ESRRG: variants seen among roughly 807,000 people sequenced by gnomAD.
ESRRG encodes the protein estrogen related receptor gamma.
Under a neutral mutation model 44.0 loss-of-function variants are expected in ESRRG, and 13 were observed. The observed-to-expected ratio is 0.30, with a 90% CI of 0.19 to 0.47. ESRRG has a LOEUF of 0.47. ESRRG is among the 20% of genes least tolerant of loss of function. The pLI is 1.00. For synonymous variants in ESRRG, 215 were observed against 214.6 expected (o/e 1.00, Z -0.02); for missense variants, 395 against 580.6 (o/e 0.68, Z 3.29).
chr1:216,895,719 G>A (rs2058340289), intron 2 of ESRRG, among the ~76,000 whole-genome samples: 1 of 152,146 alleles, frequency 6.6e-6, no homozygotes, highest in South Asian at 2.1e-4. Context: ...GAATGAAAAT[G>A]TGAGTTACAG....
intron 2 of ESRRG, among the ~76,000 whole-genome samples, chr1:216,919,788 C>T (rs987218981): frequency 2.6e-5 from 4 of 152,108 alleles, no homozygotes; most frequent in Admixed American, 6.6e-5. Context: ...TGCTTGGGTC[C>T]GTCCCACCTG....
chr1:216,739,263 T>TG (rs1213996781), intron 2 of ESRRG, among the ~76,000 whole-genome samples: 4 of 92,168 alleles, frequency 4.3e-5, no homozygotes, highest in Non-Finnish European at 9.5e-5. Flanking sequence ...TTCATTAAAG[T>TG]GAAAAAAAAA....
chr1:216,772,676 A>G (rs537029900), intron 2 of ESRRG, among the ~76,000 whole-genome samples: 14 of 152,194 alleles, frequency 9.2e-5, no homozygotes, highest in Admixed American at 9.2e-4. Context: ...TTAGAAAACA[A>G]TGGCATAGTG....
chr1:216,541,368 C>A (rs1327364670), intron 5 of ESRRG, among the ~76,000 whole-genome samples: 1 of 151,842 alleles, frequency 6.6e-6, no homozygotes, highest in African/African-American at 2.4e-5. Context: ...TTAATTACAC[C>A]AAGAACTTAA....
intron 2 of ESRRG, among the ~76,000 whole-genome samples, chr1:216,809,119 C>T (rs922219229): frequency 1.3e-5 from 2 of 152,068 alleles, no homozygotes; most frequent in African/African-American, 4.8e-5. Context: ...AAGGTGTGTA[C>T]TATTTTTCCA....
intron 3 of ESRRG, among the ~76,000 whole-genome samples, chr1:216,608,746 A>G (rs2060249219): frequency 1.3e-5 from 2 of 152,192 alleles, no homozygotes; most frequent in Admixed American, 1.3e-4. Context: ...TGGGGATCTA[A>G]GCTCATTTAA....
chr1:216,929,779 G>A (rs1333806612), intron 2 of ESRRG, among the ~76,000 whole-genome samples: 2 of 152,076 alleles, frequency 1.3e-5, no homozygotes, highest in East Asian at 1.9e-4. Flanking sequence ...AATGCCAAAT[G>A]AGAATATTGG....
chr1:216,805,476 C>T (rs1422385557), intron 2 of ESRRG: 13 of 152,270 alleles, frequency 8.5e-5, no homozygotes, highest in Admixed American at 3.9e-4. Flanking sequence ...CCCAGTAACA[C>T]GATACCATGA....
intron 2 of ESRRG, among the ~76,000 whole-genome samples, chr1:216,731,634 G>A (rs937448661): frequency 2.0e-5 from 3 of 152,116 alleles, no homozygotes; most frequent in Admixed American, 6.6e-5. Flanking sequence ...AACTCAATAC[G>A]TACCCCCAAA....
At chr1:216,612,288 A>G (rs2060780582) in intron 3 of ESRRG, among the ~76,000 whole-genome samples, 1 of 152,158 alleles carries the variant, frequency 6.6e-6, no homozygotes, top group South Asian at 2.1e-4. Context: ...GTCTAATGGT[A>G]GCAATCTGTA....
intron 1 of ESRRG, among the ~76,000 whole-genome samples, chr1:216,982,761 G>A (rs922630850): frequency 2.0e-5 from 3 of 152,162 alleles, no homozygotes; most frequent in Non-Finnish European, 4.4e-5. Context: ...AATAGGCAAA[G>A]AGGTTCTTTT....
intron 2 of ESRRG, among the ~76,000 whole-genome samples, chr1:216,914,405 C>T (rs1374445605): frequency 2.0e-5 from 3 of 152,214 alleles, no homozygotes; most frequent in Non-Finnish European, 2.9e-5. Context: ...TATAAAAATG[C>T]TCACTCTTTT....
chr1:216,719,011 T>C (rs2085550511), intron 1 of ESRRG, among the ~76,000 whole-genome samples: 2 of 152,080 alleles, frequency 1.3e-5, no homozygotes, highest in Non-Finnish European at 2.9e-5. Flanking sequence ...TAATTTATTT[T>C]ATAAAATAAT....
intron 5 of ESRRG, among the ~76,000 whole-genome samples, chr1:216,551,239 T>C (rs549574892): frequency 2.6e-3 from 399 of 152,290 alleles, no homozygotes; most frequent in African/African-American, 9.3e-3. Context: ...TATCATATAG[T>C]AGGCTCTTAA....
chr1:216,910,688 T>TA (rs1422443673), intron 2 of ESRRG, among the ~76,000 whole-genome samples: 1 of 152,158 alleles, frequency 6.6e-6, no homozygotes, highest in Non-Finnish European at 1.5e-5. Flanking sequence ...CTTTCTTTGT[T>TA]ACGATGAGGG....
At chr1:216,824,142 C>T (rs1044406073) in intron 2 of ESRRG, among the ~76,000 whole-genome samples, 2 of 152,146 alleles carry the variant, frequency 1.3e-5, no homozygotes, top group Non-Finnish European at 2.9e-5. Flanking sequence ...AAGTGTCTTG[C>T]TGTGTTTTAA....
chr1:216,720,882 G>C (rs534925278), intron 1 of ESRRG, among the ~76,000 whole-genome samples: 2 of 152,264 alleles, frequency 1.3e-5, no homozygotes, highest in South Asian at 4.1e-4. Context: ...TGTTTCAGTT[G>C]CCTTTCCTTC....
chr1:217,032,677 T>A (rs1468779915), intron 1 of ESRRG, among the ~76,000 whole-genome samples: 1 of 152,148 alleles, frequency 6.6e-6, no homozygotes, highest in South Asian at 2.1e-4. Context: ...TATTTGGGGG[T>A]GATTGTTTTG....
At position 216,736,007 on chromosome 1, in the gene ESRRG, T is replaced by C. The variant is rs199631645; in HGVS notation, c.-13-58516A>G. On this transcript the variant is annotated intron_variant, in intron 2 of 7. Transcript: ENST00000359162. ...AAAAAAATATATATATATATATATA[T>C]ACACACATACATATATTTGCTTTCC... is the stretch of plus-strand genomic sequence containing the variant. Among the ~76,000 whole-genome samples, 88 of 147,568 alleles carry C rather than the reference T, an allele frequency of 6.0e-4. No individual in the cohort carries two copies. The East Asian group carries it at 7.8e-3, about 13-fold the overall frequency.
Sources: gnomAD v4.1 joint callset for allele counts (sites outside exome capture counted in the v4.1 genomes callset) on GRCh38, gnomAD v4.1.1 for gene constraint, MANE v1.5 for transcripts, NCBI Gene and HGNC (gene_info 2026-07-23, HGNC 2026-07-21) for gene names.